Variants in SYCP2L observed in about 807,000 individuals in gnomAD.
SYCP2L encodes the protein synaptonemal complex protein 2 like, also known as synaptonemal complex protein 2-like.
SYCP2L carries 98 observed loss-of-function variants against 125.8 expected under a neutral mutation model. The observed-to-expected ratio is 0.78, with a 90% CI of 0.66 to 0.92. SYCP2L has a LOEUF of 0.92. Ranked by LOEUF, SYCP2L falls within the 40% of genes least tolerant of loss-of-function variation. The pLI is 0.00. For synonymous variants in SYCP2L, 317 were observed against 325.4 expected, an observed-to-expected ratio of 0.97 and a Z score of 0.28; for missense variants, 842 against 936.4, an observed-to-expected ratio of 0.90 and a Z score of 1.32.
At position 10,964,071 on chromosome 6, in the gene SYCP2L, C is replaced by G. The variant is rs1236414766; in HGVS notation, c.*37+228C>G. On this transcript the variant is annotated intron_variant, in intron 29 of 29. Coordinates refer to ENST00000283141, the MANE Select transcript of SYCP2L (RefSeq NM_001040274.3). ...CTCCCAGGTTCACGCCATTCTCCTG[C>G]CTCAGCCTCCTGAGTAGCTGGGACT... Among the ~76,000 whole-genome samples, 3 of 151,924 alleles carry G rather than the reference C, an allele frequency of 2.0e-5. No individual in the cohort carries two copies. In the East Asian group the frequency reaches 5.8e-4, roughly 29 times the overall value.
intron 1 of SYCP2L, among the ~76,000 whole-genome samples, 194 bp from the exon 2 acceptor site, chr6:10,891,319 T>C (rs767909245): frequency 2.0e-5 from 3 of 152,100 alleles, no homozygotes; most frequent in Admixed American, 6.6e-5. Context: ...CTAAAGAAGG[T>C]TGGATAAAGT....
In SYCP2L at chr6:10,888,249, A is replaced by T. The variant is rs1780115046; in HGVS notation, c.9+1114A>T. Among the ~76,000 whole-genome samples, 3 of 151,480 alleles carry T rather than the reference A, an allele frequency of 2.0e-5. No homozygotes were observed. In the South Asian group the frequency reaches 6.3e-4, roughly 32 times the overall value. Reference sequence around the variant, plus strand: ...GTAGCTGAGACTACAGGCGCGCGCCACCACGCCAGGGTAATTTTTGTATTT... The same window carrying T: ...GTAGCTGAGACTACAGGCGCGCGCCTCCACGCCAGGGTAATTTTTGTATTT... On this transcript the variant is annotated intron_variant, in intron 1 of 29. Transcript: ENST00000283141.
chr6:10,946,884 T>A (rs534120290), intron 23 of SYCP2L, among the ~76,000 whole-genome samples: 13 of 152,238 alleles, frequency 8.5e-5, no homozygotes, highest in African/African-American at 2.9e-4. Flanking sequence ...ATATGTGACA[T>A]GTCTTTCATC....
At chr6:10,919,163 T>G (rs778758668) in intron 14 of SYCP2L, among the ~76,000 whole-genome samples, 2 of 152,198 alleles carry the variant, frequency 1.3e-5, no homozygotes, top group Non-Finnish European at 2.9e-5. Flanking sequence ...TTTGTCATAG[T>G]ACTAGAGTTG....
In SYCP2L at chr6:10,902,778, CA is replaced by C. The variant is rs1270196214; in HGVS notation, c.552+20del. On this transcript the variant is annotated intron_variant, in intron 7 of 29. Coordinates refer to ENST00000283141, the MANE Select transcript of SYCP2L (RefSeq NM_001040274.3). Reference sequence around the variant, plus strand: ...TCAACAGGAGGTGAGTTGCAAGTAACAAAACAGGTAATAGTGGTTCCAGAAA... The same window carrying C: ...TCAACAGGAGGTGAGTTGCAAGTAACAAACAGGTAATAGTGGTTCCAGAAA... 4.3e-6 allele frequency: 7 copies of C among 1,613,304 alleles called. No homozygotes were observed. The highest frequency in any genetic ancestry group is 5.1e-6 in the Non-Finnish European group (6 of 1,179,356).
At chr6:10,894,252 CT>C in intron 4 of SYCP2L, 48 bp downstream of exon 4, 1 of 1,591,286 alleles carries the variant, frequency 6.3e-7, no homozygotes, top group Admixed American at 1.9e-5. Context: ...ACTTAGAGAA[CT>C]TAGGTGGATT....
intron 14 of SYCP2L, among the ~76,000 whole-genome samples, chr6:10,917,918 G>A (rs1319679740): frequency 1.3e-5 from 2 of 152,066 alleles, no homozygotes; most frequent in East Asian, 3.9e-4. Context: ...TATTTTCTCT[G>A]GATACTAAAT....
At chr6:10,926,306 C>A in intron 15 of SYCP2L, 33 bp from the exon 16 acceptor site, 1 of 1,477,452 alleles carries the variant, frequency 6.8e-7, no homozygotes, top group Non-Finnish European at 9.3e-7. Context: ...AAGATGACTA[C>A]ATTTCAAAGT....
At chr6:10,948,266 C>T (rs1314864249) in intron 23 of SYCP2L, among the ~76,000 whole-genome samples, 1 of 152,050 alleles carries the variant, frequency 6.6e-6, no homozygotes, top group African/African-American at 2.4e-5. Context: ...GCTGTAGTCA[C>T]CATTCATATC....
chr6:10,973,658 T>C (rs1446988047), intron 29 of SYCP2L, among the ~76,000 whole-genome samples: 2 of 152,360 alleles, frequency 1.3e-5, no homozygotes, highest in Non-Finnish European at 1.5e-5. Flanking sequence ...AGAGCTGTCT[T>C]ATCTCCAACA....
At chr6:10,949,563 A>T (rs1781373956) in intron 23 of SYCP2L, among the ~76,000 whole-genome samples, 1 of 152,024 alleles carries the variant, frequency 6.6e-6, no homozygotes, top group African/African-American at 2.4e-5. Context: ...AGTGTTCTGT[A>T]TGTACTTATC....
At chr6:10,961,045 T>C (rs915470787) in intron 26 of SYCP2L, among the ~76,000 whole-genome samples, 1 of 148,602 alleles carries the variant, frequency 6.7e-6, no homozygotes, top group East Asian at 2.0e-4. Context: ...GCCATTGCAC[T>C]GCAGCCTGGG....
chr6:10,956,855 C>T (rs867843792), intron 25 of SYCP2L, among the ~76,000 whole-genome samples: 1 of 152,020 alleles, frequency 6.6e-6, no homozygotes, highest in Non-Finnish European at 1.5e-5. Flanking sequence ...GAGATAGGAT[C>T]TTGTTCTGTT....
chr6:10,944,227 A>G (rs1205378825), intron 23 of SYCP2L, among the ~76,000 whole-genome samples: 12 of 152,184 alleles, frequency 7.9e-5, no homozygotes, highest in African/African-American at 2.2e-4. Context: ...TTTCTGATAT[A>G]TGTGTGTGTG....
At chr6:10,888,749 A>G (rs1265036610) in intron 1 of SYCP2L, among the ~76,000 whole-genome samples, 1 of 152,194 alleles carries the variant, frequency 6.6e-6, no homozygotes, top group African/African-American at 2.4e-5. Flanking sequence ...GCTCCCGGGA[A>G]TATTTTCTTT....
At chr6:10,899,996 A>C (rs1262080129) in intron 6 of SYCP2L, among the ~76,000 whole-genome samples, 1 of 152,198 alleles carries the variant, frequency 6.6e-6, no homozygotes, top group Non-Finnish European at 1.5e-5. Flanking sequence ...TATTTGAAAA[A>C]CAGTGCAGAT....
intron 21 of SYCP2L, among the ~76,000 whole-genome samples, chr6:10,936,928 A>G (rs543178721): frequency 1.3e-5 from 2 of 152,344 alleles, no homozygotes; most frequent in South Asian, 4.1e-4. Flanking sequence ...CCAACATTAC[A>G]GCACCTAAAT....
chr6:10,911,069 C>A (rs1780598947), intron 12 of SYCP2L, among the ~76,000 whole-genome samples, 200 bp downstream of exon 12: 1 of 152,116 alleles, frequency 6.6e-6, no homozygotes, highest in Admixed American at 6.5e-5. Context: ...AGTTTAAGGC[C>A]TCTACTGTTA....
At chr6:10,903,097 G>A (rs1780409240) in intron 8 of SYCP2L, 134 bp downstream of exon 8, 1 of 724,066 alleles carries the variant, frequency 1.4e-6, no homozygotes, top group Non-Finnish European at 2.3e-6. Context: ...CACCTATTAT[G>A]TGTCAGGCAC....
Sources: allele counts gnomAD v4.1 joint callset (sites outside exome capture counted in the v4.1 genomes callset), GRCh38; gene constraint gnomAD v4.1.1; transcripts MANE v1.5; gene names NCBI Gene and HGNC (gene_info 2026-07-23, HGNC 2026-07-21).